The following DNAJC1 variants were observed in gnomAD, a reference collection of about 807,000 sequenced individuals.
DNAJC1 encodes dnaJ homolog subfamily C member 1.
DNAJC1 carries 58 observed loss-of-function variants against 76.6 expected under a neutral mutation model. The observed-to-expected ratio is 0.76, with a 90% CI of 0.61 to 0.94. The LOEUF (loss-of-function observed/expected upper bound fraction) is 0.94, where lower values mean the gene tolerates loss of function less well. Ranked by LOEUF, DNAJC1 falls within the 40% of genes least tolerant of loss-of-function variation. The pLI, the probability that DNAJC1 is intolerant of heterozygous loss-of-function variation, is 0.00. For missense variants in DNAJC1, 689 were observed against 677.3 expected (o/e 1.02, Z -0.19); for synonymous variants, 258 against 267.9 (o/e 0.96, Z 0.36).
chr10:21,910,759 G>A (rs1182481031), intron 6 of DNAJC1, among the ~76,000 whole-genome samples: 4 of 144,274 alleles, frequency 2.8e-5, no homozygotes, highest in African/African-American at 1.0e-4. Flanking sequence ...CATGGCACAC[G>A]TTTCCCTATG....
intron 1 of DNAJC1, among the ~76,000 whole-genome samples, chr10:21,950,396 A>G (rs539165766): frequency 4.4e-4 from 67 of 152,284 alleles, no homozygotes; most frequent in East Asian, 2.7e-3. Flanking sequence ...TAATCAATAA[A>G]TGTTGTATGT....
At chr10:21,850,787 T>C (rs1363350492) in intron 8 of DNAJC1, among the ~76,000 whole-genome samples, 2 of 152,176 alleles carry the variant, frequency 1.3e-5, no homozygotes. Context: ...ACAAAGCTAT[T>C]GTAATCAAAA....
intron 1 of DNAJC1, among the ~76,000 whole-genome samples, chr10:21,963,891 A>C (rs1837844308): frequency 6.6e-6 from 1 of 150,874 alleles, no homozygotes; most frequent in Non-Finnish European, 1.5e-5. Flanking sequence ...TTATTTATTT[A>C]CTGCCTTTAT....
chr10:21,889,304 T>G lies in DNAJC1; in HGVS notation c.821-6865A>C, dbSNP rs1295267947. On this transcript the variant is annotated intron_variant, in intron 7 of 11. Coordinates refer to ENST00000376980, the MANE Select transcript of DNAJC1 (RefSeq NM_022365.4). ...AGCACGAAGGGGATTTGCTAAACCA[T>G]TCATGAGACATTGCCCCCATGATCA... Among the ~76,000 whole-genome samples, 4 of 152,060 alleles carry G rather than the reference T, an allele frequency of 2.6e-5. No individual in the cohort carries two copies. In the East Asian group the frequency reaches 7.7e-4, roughly 29 times the overall value.
intron 1 of DNAJC1, among the ~76,000 whole-genome samples, chr10:21,929,423 A>C (rs1376051550): frequency 6.6e-6 from 1 of 152,218 alleles, no homozygotes; most frequent in Admixed American, 6.5e-5. Context: ...GCCTTCCTAA[A>C]ATTAACCAAT....
intron 1 of DNAJC1, among the ~76,000 whole-genome samples, chr10:21,962,647 TTC>T (rs1165001967): frequency 6.7e-6 from 1 of 148,984 alleles, no homozygotes; most frequent in Non-Finnish European, 1.5e-5. Flanking sequence ...TTTTTTCTTT[TTC>T]TTTTTTTTTT....
intron 7 of DNAJC1, among the ~76,000 whole-genome samples, chr10:21,888,131 A>G (rs1454650491): frequency 6.6e-6 from 1 of 152,150 alleles, no homozygotes; most frequent in Non-Finnish European, 1.5e-5. Context: ...AGCACATGAA[A>G]AAAAGCTCCA....
At chr10:21,900,785 C>T (rs1007042602) in intron 7 of DNAJC1, among the ~76,000 whole-genome samples, 7 of 152,126 alleles carry the variant, frequency 4.6e-5, no homozygotes, top group African/African-American at 9.7e-5. Context: ...TACATGCCTC[C>T]GCATAAGTTA....
At chr10:21,816,326 C>T (rs938831632) in intron 8 of DNAJC1, among the ~76,000 whole-genome samples, 7 of 151,904 alleles carry the variant, frequency 4.6e-5, no homozygotes, top group African/African-American at 1.4e-4. Context: ...TGCCACTGCG[C>T]TCCAGCCTGG....
intron 1 of DNAJC1, among the ~76,000 whole-genome samples, chr10:21,988,524 G>T (rs1838282274): frequency 6.6e-6 from 1 of 152,078 alleles, no homozygotes; most frequent in African/African-American, 2.4e-5. Flanking sequence ...TTTAAAGTAT[G>T]TTCCAAATGT....
intron 3 of DNAJC1, 97 bp downstream of exon 3, chr10:21,928,409 C>T (rs918024778): frequency 5.5e-6 from 6 of 1,091,248 alleles, no homozygotes; most frequent in Admixed American, 4.4e-5. Flanking sequence ...AAATAAAATG[C>T]TAACATAATA....
intron 7 of DNAJC1, among the ~76,000 whole-genome samples, chr10:21,899,106 C>T (rs1242610395): frequency 6.6e-6 from 1 of 152,184 alleles, no homozygotes; most frequent in Non-Finnish European, 1.5e-5. Context: ...TGGGAAACCA[C>T]ACTTCTCTCA....
At chr10:21,788,078 A>G (rs971796035) in intron 9 of DNAJC1, among the ~76,000 whole-genome samples, 4 of 152,196 alleles carry the variant, frequency 2.6e-5, no homozygotes, top group African/African-American at 4.8e-5. Flanking sequence ...CTGTGGAACC[A>G]AGCAGTGGTG....
At chr10:21,923,107 C>A (rs1837064024) in intron 3 of DNAJC1, among the ~76,000 whole-genome samples, 1 of 151,824 alleles carries the variant, frequency 6.6e-6, no homozygotes, top group African/African-American at 2.4e-5. Flanking sequence ...TTCAAGATAG[C>A]AAAATCTCAT....
intron 9 of DNAJC1, among the ~76,000 whole-genome samples, chr10:21,779,322 T>C (rs750902932): frequency 4.6e-5 from 7 of 152,010 alleles, no homozygotes; most frequent in Non-Finnish European, 1.0e-4. Flanking sequence ...GACCCCCGAG[T>C]AGCCTGTCTG....
At chr10:21,808,866 A>G (rs1416998494) in intron 8 of DNAJC1, among the ~76,000 whole-genome samples, 1 of 152,218 alleles carries the variant, frequency 6.6e-6, no homozygotes, top group African/African-American at 2.4e-5. Flanking sequence ...CATGGTGTGG[A>G]GACAGCTGTT....
intron 7 of DNAJC1, among the ~76,000 whole-genome samples, chr10:21,895,588 T>C (rs1185288605): frequency 6.6e-6 from 1 of 152,142 alleles, no homozygotes; most frequent in East Asian, 1.9e-4. Flanking sequence ...AAGCAGAAGT[T>C]AAAGATTTAA....
chr10:21,820,563 A>G (rs898131261), intron 8 of DNAJC1, among the ~76,000 whole-genome samples: 3 of 152,152 alleles, frequency 2.0e-5, no homozygotes, highest in African/African-American at 7.2e-5. Context: ...AATCAATTCT[A>G]CAGAAGACAC....
intron 1 of DNAJC1, among the ~76,000 whole-genome samples, chr10:21,953,753 T>C (rs917170518): frequency 2.7e-4 from 38 of 141,976 alleles, no homozygotes; most frequent in African/African-American, 1.0e-3. Context: ...GTTCTTGCCC[T>C]AACCTTCTCA....
Sources: gnomAD v4.1 joint callset for allele counts (sites outside exome capture counted in the v4.1 genomes callset) on GRCh38, gnomAD v4.1.1 for gene constraint, MANE v1.5 for transcripts, NCBI Gene and HGNC (gene_info 2026-07-23, HGNC 2026-07-21) for gene names.